SEMA6D: variants seen among roughly 807,000 people sequenced by gnomAD.
The protein encoded by SEMA6D is semaphorin 6D.
SEMA6D carries 35 observed loss-of-function variants against 106.6 expected under a neutral mutation model. The observed-to-expected ratio is 0.33, with a 90% confidence interval of 0.25 to 0.44. The LOEUF (loss-of-function observed/expected upper bound fraction) is 0.44, where lower values mean the gene tolerates loss of function less well. Among genes scored for constraint, SEMA6D ranks in the 20% least tolerant of loss-of-function variants. The pLI, the probability that SEMA6D is intolerant of heterozygous loss-of-function variation, is 1.00. For synonymous variants in SEMA6D, 499 were observed against 487.7 expected, an observed-to-expected ratio of 1.02 and a Z score of -0.31; for missense variants, 1,185 against 1,345.9, an observed-to-expected ratio of 0.88 and a Z score of 1.87.
chr15:47,553,460 C>T (rs926043946), intron 3 of SEMA6D, among the ~76,000 whole-genome samples: 1 of 152,152 alleles, frequency 6.6e-6, no homozygotes, highest in Non-Finnish European at 1.5e-5. Flanking sequence ...AGCCTATCAC[C>T]CTTTTCCTTT....
intron 3 of SEMA6D, among the ~76,000 whole-genome samples, chr15:47,511,620 A>G (rs929481429): frequency 3.9e-5 from 6 of 152,154 alleles, no homozygotes; most frequent in African/African-American, 1.4e-4. Flanking sequence ...AGAAACTTAC[A>G]TGTGACTCAT....
At chr15:47,487,361 A>G (rs559796730) in intron 3 of SEMA6D, among the ~76,000 whole-genome samples, 1 of 152,280 alleles carries the variant, frequency 6.6e-6, no homozygotes, top group East Asian at 1.9e-4. Context: ...TAAGAAACTC[A>G]CCAGCATAAA....
At chr15:47,585,294 A>G (rs1176174190) in intron 3 of SEMA6D, among the ~76,000 whole-genome samples, 1 of 152,246 alleles carries the variant, frequency 6.6e-6, no homozygotes, top group Non-Finnish European at 1.5e-5. Flanking sequence ...AAATTATACC[A>G]GTTGATTAAA....
At chr15:47,546,036 A>G (rs534210125) in intron 3 of SEMA6D, among the ~76,000 whole-genome samples, 3 of 152,268 alleles carry the variant, frequency 2.0e-5, no homozygotes, top group Admixed American at 2.0e-4. Context: ...ACAGGGACAC[A>G]CACTCGCTAG....
intron 4 of SEMA6D, among the ~76,000 whole-genome samples, chr15:47,646,878 A>G (rs2077591340): frequency 6.6e-6 from 1 of 152,206 alleles, no homozygotes; most frequent in Non-Finnish European, 1.5e-5. Context: ...TTCATGAAAG[A>G]ACAAGATTTT....
At chr15:47,295,774 CAGT>C (rs375008571) in intron 1 of SEMA6D, among the ~76,000 whole-genome samples, 160 of 152,326 alleles carry the variant, frequency 1.1e-3, no homozygotes, top group African/African-American at 3.8e-3. Context: ...GTTGGCCCCA[CAGT>C]TAAAAGCCAT....
At chr15:47,541,874 C>A (rs2045365627) in intron 3 of SEMA6D, among the ~76,000 whole-genome samples, 1 of 152,144 alleles carries the variant, frequency 6.6e-6, no homozygotes, top group Non-Finnish European at 1.5e-5. Flanking sequence ...TGTGCTGTTG[C>A]TGAATGCTCT....
At chr15:47,209,805 A>T (rs1348656423) in intron 1 of SEMA6D, among the ~76,000 whole-genome samples, 2 of 152,138 alleles carry the variant, frequency 1.3e-5, no homozygotes, top group Non-Finnish European at 2.9e-5. Flanking sequence ...GCCAATCCTA[A>T]CTTAGTCTTT....
At chr15:47,550,376 A>T (rs2142380415) in intron 3 of SEMA6D, among the ~76,000 whole-genome samples, 1 of 152,314 alleles carries the variant, frequency 6.6e-6, no homozygotes, top group East Asian at 1.9e-4. Flanking sequence ...GAGGTGCTTT[A>T]TCTTGCCCTC....
At chr15:47,757,665 A>G (rs542884484) in intron 1 of SEMA6D, among the ~76,000 whole-genome samples, 2 of 152,334 alleles carry the variant, frequency 1.3e-5, no homozygotes, top group South Asian at 4.1e-4. Flanking sequence ...GGTCCAATAC[A>G]TAGGAACAAG....
chr15:47,613,024 A>G (rs1327158492), intron 4 of SEMA6D, among the ~76,000 whole-genome samples: 1 of 152,202 alleles, frequency 6.6e-6, no homozygotes, highest in Admixed American at 6.5e-5. Flanking sequence ...TGTGGAGCCT[A>G]CCATTAGACT....
At chr15:47,306,226 G>C (rs1183237940) in intron 1 of SEMA6D, among the ~76,000 whole-genome samples, 1 of 151,824 alleles carries the variant, frequency 6.6e-6, no homozygotes, top group African/African-American at 2.4e-5. Flanking sequence ...CTTGTGATCT[G>C]CCCACCTCGG....
At chr15:47,254,267 A>G (rs950837309) in intron 1 of SEMA6D, among the ~76,000 whole-genome samples, 1 of 149,242 alleles carries the variant, frequency 6.7e-6, no homozygotes, top group African/African-American at 2.4e-5. Context: ...ATATATATAT[A>G]CACACACATA....
At chr15:47,698,339 A>T (rs1409103303) in intron 4 of SEMA6D, among the ~76,000 whole-genome samples, 1 of 152,214 alleles carries the variant, frequency 6.6e-6, no homozygotes, top group Non-Finnish European at 1.5e-5. Context: ...ATTATTTAAC[A>T]GACAAAATGA....
chr15:47,503,136 G>C (rs1270814757), intron 3 of SEMA6D, among the ~76,000 whole-genome samples: 1 of 152,052 alleles, frequency 6.6e-6, no homozygotes, highest in Non-Finnish European at 1.5e-5. Context: ...TTGTATGTTA[G>C]ATGTCCTAGG....
intron 3 of SEMA6D, among the ~76,000 whole-genome samples, chr15:47,596,434 T>C (rs2076537151): frequency 6.6e-6 from 1 of 152,092 alleles, no homozygotes. Flanking sequence ...AATAAAATCT[T>C]AAAATTTATA....
chr15:47,676,775 C>G (rs887751101), intron 4 of SEMA6D, among the ~76,000 whole-genome samples: 1 of 152,170 alleles, frequency 6.6e-6, no homozygotes, highest in Non-Finnish European at 1.5e-5. Context: ...TATTCATTAT[C>G]TCTCATGGTT....
intron 4 of SEMA6D, among the ~76,000 whole-genome samples, chr15:47,657,696 T>C (rs552620592): frequency 6.8e-6 from 1 of 146,670 alleles, no homozygotes; most frequent in African/African-American, 2.5e-5. Context: ...ATTTAATCCA[T>C]TTAGTGACAG....
intron 1 of SEMA6D, among the ~76,000 whole-genome samples, chr15:47,254,875 TTG>T (rs58271041): frequency 0.027 from 3,655 of 134,340 alleles, 93 homozygotes; most frequent in Admixed American, 0.064. Flanking sequence ...ACCTGTGGTT[TTG>T]TGTGTGTGTG....
Sources: allele counts gnomAD v4.1 joint callset (sites outside exome capture counted in the v4.1 genomes callset), GRCh38; gene constraint gnomAD v4.1.1; transcripts MANE v1.5; gene names NCBI Gene and HGNC (gene_info 2026-07-23, HGNC 2026-07-21).